Variants in PDE10A observed in about 807,000 individuals in gnomAD.
The protein encoded by PDE10A is cAMP and cAMP-inhibited cGMP 3',5'-cyclic phosphodiesterase 10A.
A neutral mutation model predicts 97.7 loss-of-function variants in PDE10A; 39 were observed. The observed-to-expected ratio is 0.40, with a 90% CI of 0.31 to 0.52. PDE10A has a LOEUF of 0.52. PDE10A is among the 20% of genes least tolerant of loss of function. The probability of loss-of-function intolerance (pLI) is 0.56; values close to 1 mark genes in which losing one functional copy is unlikely to be tolerated. For synonymous variants in PDE10A, 371 were observed against 376.8 expected, an observed-to-expected ratio of 0.98 and a Z score of 0.18; for missense variants, 731 against 1,047.8, an observed-to-expected ratio of 0.70 and a Z score of 4.17.
chr6:165,379,150 G>A (rs761974267), intron 18 of PDE10A, 44 bp downstream of exon 18: 1 of 1,312,014 alleles, frequency 7.6e-7, no homozygotes, highest in South Asian at 1.3e-5. Context: ...ATTTATTCCA[G>A]ATAACACTTT....
intron 2 of PDE10A, among the ~76,000 whole-genome samples, chr6:165,519,162 T>C (rs551770320): frequency 2.4e-4 from 37 of 152,254 alleles, no homozygotes; most frequent in African/African-American, 8.4e-4. Flanking sequence ...ACAAGTATTT[T>C]TGCATTTGAT....
intron 1 of PDE10A, among the ~76,000 whole-genome samples, chr6:165,657,447 T>C (rs1019321539): frequency 4.6e-5 from 7 of 152,240 alleles, no homozygotes; most frequent in African/African-American, 9.6e-5. Flanking sequence ...GAAAATTATT[T>C]TTTCTCTCAG....
intron 1 of PDE10A, among the ~76,000 whole-genome samples, chr6:165,800,528 G>C (rs1188176393): frequency 6.6e-6 from 1 of 152,268 alleles, no homozygotes; most frequent in South Asian, 2.1e-4. Flanking sequence ...ATCCAGTGTG[G>C]TCAGTGAGGC....
At position 165,541,256 on chromosome 6, in the gene PDE10A, G is replaced by C. The variant is rs1305996082; in HGVS notation, c.994+2184C>G. Reference sequence around the variant, plus strand: ...TAAACTCCAAGTCACATCTCACTCAGCCGCTTTCCACTGTCCCTAGCCCTC... The same window carrying C: ...TAAACTCCAAGTCACATCTCACTCACCCGCTTTCCACTGTCCCTAGCCCTC... On this transcript the variant is annotated intron_variant, in intron 2 of 21. Coordinates refer to ENST00000539869, the MANE Select transcript of PDE10A (RefSeq NM_001385079.1). 2.6e-5 allele frequency among the ~76,000 whole-genome samples: 4 copies of C among 151,826 alleles called. No homozygotes were observed. In the East Asian group the frequency reaches 7.8e-4, roughly 30 times the overall value.
chr6:165,923,181 C>T (rs1017457161), intron 1 of PDE10A, among the ~76,000 whole-genome samples: 6 of 152,190 alleles, frequency 3.9e-5, no homozygotes, highest in African/African-American at 7.2e-5. Flanking sequence ...GTCACAAACA[C>T]GATGTGTCTT....
In PDE10A at chr6:165,964,785, A is replaced by G. The variant is rs774361835; in HGVS notation, c.-615+22744T>C. Among the ~76,000 whole-genome samples, 181 of 152,368 alleles carry G rather than the reference A, an allele frequency of 1.2e-3. 1 individual carries two copies. Among genetic ancestry groups the G allele is most frequent in the Non-Finnish European group, 1.9e-3 (129 of 68,038 alleles). Reference sequence around the variant, plus strand: ...TAAACATTGTTTTGGCTCTGGGTACACAGATGGACCCACATAATGATGAGA... The same window carrying G: ...TAAACATTGTTTTGGCTCTGGGTACGCAGATGGACCCACATAATGATGAGA... On this transcript the variant is annotated intron_variant, in intron 1 of 19. Transcript: ENST00000366882.
chr6:165,824,968 TAAAAAAAAAAA>T (rs71890265), intron 1 of PDE10A, among the ~76,000 whole-genome samples: 3 of 92,418 alleles, frequency 3.2e-5, no homozygotes, highest in Non-Finnish European at 5.9e-5. Context: ...CCGTCTCTAC[TAAAAAAAAAAA>T]AAAAAAAAAA....
At chr6:165,805,499 G>A (rs1779110163) in intron 1 of PDE10A, among the ~76,000 whole-genome samples, 2 of 152,178 alleles carry the variant, frequency 1.3e-5, no homozygotes, top group Admixed American at 1.3e-4. Context: ...CGGGCCAGAT[G>A]TCCCTTTCTC....
rs532514088 is a variant in PDE10A, at chr6:165,797,146, G to C, written c.-615+190383C>G. ...AGTCACATTCAGGCGATGGAGTTCA[G>C]ATGACGTGTTGAGCAAGGACACTCC... On this transcript the variant is annotated intron_variant, in intron 1 of 19. Coordinates refer to the PDE10A transcript ENST00000366882. 3.3e-5 allele frequency among the ~76,000 whole-genome samples: 5 copies of C among 152,330 alleles called. No individual in the cohort carries two copies. In the East Asian group the frequency reaches 7.7e-4, roughly 23 times the overall value.
chr6:165,633,781 C>G (rs1054810578), intron 1 of PDE10A, among the ~76,000 whole-genome samples: 2 of 122,590 alleles, frequency 1.6e-5, no homozygotes, highest in Non-Finnish European at 3.4e-5. Context: ...GTGTGCACCA[C>G]CACGCCGGGC....
At chr6:165,576,407 C>T (rs1450546648) in intron 1 of PDE10A, 1 of 780,906 alleles carries the variant, frequency 1.3e-6, no homozygotes. Flanking sequence ...GTGTCCTCTA[C>T]TCACCTGTTA....
At chr6:165,955,228 T>G (rs1454962280) in intron 1 of PDE10A, among the ~76,000 whole-genome samples, 2 of 152,092 alleles carry the variant, frequency 1.3e-5, no homozygotes, top group Non-Finnish European at 2.9e-5. Context: ...GTGTATAGGG[T>G]TGGAGGTGCA....
chr6:165,660,473 G>C (rs1003436371), intron 1 of PDE10A: 1 of 152,350 alleles, frequency 6.6e-6, no homozygotes. Context: ...ACGGGTGTAC[G>C]AGAGGCCGCT....
At chr6:165,763,147 G>C (rs1448500592) in intron 1 of PDE10A, among the ~76,000 whole-genome samples, 1 of 152,112 alleles carries the variant, frequency 6.6e-6, no homozygotes, top group Non-Finnish European at 1.5e-5. Context: ...CTCACATCCC[G>C]TGTCTGGTGT....
Position 165,379,357 on chromosome 6 carries a change from G to A in PDE10A, c.2620C>T (p.His874Tyr). The change falls in exon 18 of 22, where the codon CAC (histidine) becomes TAC (tyrosine). Residue 874 changes from histidine (H) to tyrosine (Y), a missense_variant. His to Tyr is a moderately conservative substitution (Grantham distance 83). Around this residue, in one of 8 missense-constraint regions of PDE10A, gnomAD observed 25 missense variants for 83.7 expected, o/e 0.30. Transcript: ENST00000539869. ...GAGCTCAGAGTGGAGAAGATATTGT[G>A]CCCTTCCAACTAGGGAAAAAATACA... Reference protein sequence around the residue: ...QTVSILQLEGHNIFSTLSSSE... With the variant: ...QTVSILQLEGYNIFSTLSSSE... The A allele has an allele frequency of 6.2e-7, 1 of 1,610,088 alleles. No individual in the cohort carries two copies.
At chr6:165,637,579 G>A (rs192872582) in intron 1 of PDE10A, among the ~76,000 whole-genome samples, 15 of 152,214 alleles carry the variant, frequency 9.9e-5, no homozygotes, top group African/African-American at 3.1e-4. Flanking sequence ...CCTGTGTGTC[G>A]GGCAGCATAA....
chr6:165,729,944 G>A (rs1219956281), intron 1 of PDE10A, among the ~76,000 whole-genome samples: 1 of 151,964 alleles, frequency 6.6e-6, no homozygotes, highest in Non-Finnish European at 1.5e-5. Context: ...GACTGCAACG[G>A]AAAGACTTCC....
intron 1 of PDE10A, among the ~76,000 whole-genome samples, chr6:165,704,281 A>G (rs1310689389): frequency 1.3e-5 from 2 of 152,114 alleles, no homozygotes; most frequent in Admixed American, 6.5e-5. Context: ...AAGAGAGAGG[A>G]GCCTGGGGAT....
upstream of PDE10A, among the ~76,000 whole-genome samples, chr6:165,663,337 G>A (rs1027957195): frequency 6.6e-6 from 1 of 152,014 alleles, no homozygotes; most frequent in African/African-American, 2.4e-5. Flanking sequence ...CCAGGCTCCC[G>A]CACCCGAGTG....
Sources: allele counts gnomAD v4.1 joint callset (sites outside exome capture counted in the v4.1 genomes callset), GRCh38; gene constraint gnomAD v4.1.1; regional missense constraint gnomAD v4.1.1; transcripts MANE v1.5; gene names NCBI Gene and HGNC (gene_info 2026-07-23, HGNC 2026-07-21).